Variants in LRMDA observed in about 807,000 individuals in gnomAD.
LRMDA encodes leucine rich melanocyte differentiation associated.
LRMDA carries 18 observed loss-of-function variants against 29.8 expected under a neutral mutation model. The ratio of observed to expected loss-of-function variants is 0.60; its 90% CI spans 0.42 to 0.90. LRMDA has a LOEUF of 0.90. Ranked by LOEUF, LRMDA falls within the 40% of genes least tolerant of loss-of-function variation. LRMDA has a pLI of 0.00. For synonymous variants in LRMDA, 125 were observed against 109.4 expected (o/e 1.14, Z -0.89); for missense variants, 273 against 273.9 (o/e 1.00, Z 0.02).
At chr10:75,739,668 T>C (rs1249259562) in intron 2 of LRMDA, among the ~76,000 whole-genome samples, 2 of 152,220 alleles carry the variant, frequency 1.3e-5, no homozygotes, top group African/African-American at 4.8e-5. Context: ...AGGGAACTGA[T>C]ATAAAACTCA....
chr10:75,795,260 G>T (rs1843632699), intron 2 of LRMDA, among the ~76,000 whole-genome samples: 1 of 152,078 alleles, frequency 6.6e-6, no homozygotes. Flanking sequence ...TGGGTATGGT[G>T]GTGCATGCCT....
At chr10:75,559,428 A>G (rs28763378) in intron 2 of LRMDA, among the ~76,000 whole-genome samples, 2,089 of 151,868 alleles carry the variant, frequency 0.014, 38 homozygotes, top group African/African-American at 0.042. Flanking sequence ...GATTCTGGAT[A>G]TTAGCCCTTT....
chr10:76,451,574 C>G (rs1170163231), intron 6 of LRMDA, among the ~76,000 whole-genome samples: 1 of 150,840 alleles, frequency 6.6e-6, no homozygotes, highest in Non-Finnish European at 1.5e-5. Flanking sequence ...GCCAGATATA[C>G]TTTTCCATTT....
At chr10:75,481,482 TG>T (rs1228174055) in intron 2 of LRMDA, among the ~76,000 whole-genome samples, 5 of 152,144 alleles carry the variant, frequency 3.3e-5, no homozygotes, top group Non-Finnish European at 7.4e-5. Context: ...GATAGAATGG[TG>T]GGCTTTTCTG....
chr10:76,259,340 G>A (rs369095661), intron 5 of LRMDA, among the ~76,000 whole-genome samples: 23 of 152,176 alleles, frequency 1.5e-4, no homozygotes, highest in African/African-American at 5.1e-4. Context: ...TTGTTCAGGA[G>A]TATGTTGTTT....
intron 6 of LRMDA, among the ~76,000 whole-genome samples, chr10:76,381,185 A>AG (rs1841587950): frequency 1.3e-5 from 2 of 152,058 alleles, no homozygotes; most frequent in Admixed American, 1.3e-4. Context: ...TTGGACACTG[A>AG]CTGTAAAAGG....
intron 2 of LRMDA, among the ~76,000 whole-genome samples, chr10:75,629,124 G>T (rs1370961398): frequency 6.6e-6 from 1 of 152,202 alleles, no homozygotes; most frequent in African/African-American, 2.4e-5. Flanking sequence ...AGAGCACTCA[G>T]TTACCTCACT....
intron 2 of LRMDA, among the ~76,000 whole-genome samples, chr10:75,675,060 G>A (rs1285768211): frequency 1.3e-5 from 2 of 152,152 alleles, no homozygotes; most frequent in Non-Finnish European, 2.9e-5. Context: ...ATTGATCAGA[G>A]TTTTCAATCC....
chr10:76,070,793 T>C (rs951588676), intron 5 of LRMDA, among the ~76,000 whole-genome samples: 1 of 152,176 alleles, frequency 6.6e-6, no homozygotes, highest in Non-Finnish European at 1.5e-5. Context: ...GGCCTCACAT[T>C]CATCCTGGGG....
intron 6 of LRMDA, among the ~76,000 whole-genome samples, chr10:76,425,295 A>G (rs1374576439): frequency 2.6e-5 from 4 of 152,180 alleles, no homozygotes; most frequent in African/African-American, 9.6e-5. Flanking sequence ...AGGAGTTCAG[A>G]TGTTTGAGTT....
intron 2 of LRMDA, among the ~76,000 whole-genome samples, chr10:75,732,587 C>T (rs1842712783): frequency 6.6e-6 from 1 of 152,196 alleles, no homozygotes; most frequent in African/African-American, 2.4e-5. Flanking sequence ...TCTTGACCAT[C>T]CCCCTTCTCT....
intron 2 of LRMDA, among the ~76,000 whole-genome samples, chr10:75,960,173 A>T (rs73281422): frequency 0.035 from 5,366 of 152,256 alleles, 303 homozygotes; most frequent in African/African-American, 0.12. Flanking sequence ...AGTGGCTATT[A>T]GCTGGATATT....
In LRMDA at chr10:76,236,894, G is replaced by A. The variant is rs11001704; in HGVS notation, c.517-87507G>A. Among the ~76,000 whole-genome samples the A allele has an allele frequency of 1.3e-4, 20 of 152,346 alleles. No individual in the cohort carries two copies. The East Asian group carries it at 3.7e-3, about 28-fold the overall frequency. On this transcript the variant is annotated intron_variant, in intron 5 of 6. Transcript: ENST00000611255. ...GTAATTTATGTGCTTACAGCCAGCA[G>A]CAACTATAATTTCAAAGCTATGCTA...
intron 5 of LRMDA, among the ~76,000 whole-genome samples, chr10:76,157,468 G>A (rs972225379): frequency 3.9e-5 from 6 of 151,996 alleles, no homozygotes; most frequent in African/African-American, 1.4e-4. Context: ...TAAAAAATTA[G>A]CCAGGTGTGA....
intron 2 of LRMDA, among the ~76,000 whole-genome samples, chr10:75,841,626 G>A (rs1358098113): frequency 6.6e-6 from 1 of 152,210 alleles, no homozygotes; most frequent in Admixed American, 6.5e-5. Flanking sequence ...TTATGTTCAA[G>A]CCTGGTGATG....
At chr10:75,766,233 C>T (rs1476138314) in intron 2 of LRMDA, among the ~76,000 whole-genome samples, 2 of 152,298 alleles carry the variant, frequency 1.3e-5, no homozygotes, top group Admixed American at 1.3e-4. Flanking sequence ...CAAAGTGGCA[C>T]AGAGTAGGTC....
At chr10:76,243,718 G>A (rs2132287937) in intron 5 of LRMDA, among the ~76,000 whole-genome samples, 1 of 152,292 alleles carries the variant, frequency 6.6e-6, no homozygotes. Flanking sequence ...TAAAGGAAAG[G>A]GCAGGAAATA....
intron 6 of LRMDA, among the ~76,000 whole-genome samples, chr10:76,546,553 T>C (rs754177319): frequency 9.2e-5 from 14 of 152,226 alleles, no homozygotes; most frequent in Non-Finnish European, 1.6e-4. Context: ...TAAGAAGATG[T>C]GTGAGGGCCA....
intron 2 of LRMDA, among the ~76,000 whole-genome samples, chr10:75,876,042 T>C (rs1245462957): frequency 6.7e-6 from 1 of 149,470 alleles, no homozygotes; most frequent in Non-Finnish European, 1.5e-5. Context: ...TGATTGTAGA[T>C]CAGTGATTGG....
Sources: allele counts gnomAD v4.1 joint callset (sites outside exome capture counted in the v4.1 genomes callset), GRCh38; gene constraint gnomAD v4.1.1; transcripts MANE v1.5; gene names NCBI Gene and HGNC (gene_info 2026-07-23, HGNC 2026-07-21).